The following ALK variants were observed in gnomAD, a reference collection of about 807,000 sequenced individuals.
The protein encoded by ALK is ALK tyrosine kinase receptor.
ALK carries 74 observed loss-of-function variants against 163.1 expected under a neutral mutation model. The observed-to-expected ratio is 0.45, with a 90% CI of 0.38 to 0.55. The LOEUF (loss-of-function observed/expected upper bound fraction) is 0.55. Ranked by LOEUF, ALK falls within the 20% of genes least tolerant of loss-of-function variation. ALK has a pLI of 0.00. For missense variants in ALK, 2,063 were observed against 2,105.3 expected, an observed-to-expected ratio of 0.98 and a Z score of 0.39; for synonymous variants, 960 against 843.2, an observed-to-expected ratio of 1.14 and a Z score of -2.40.
chr2:29,621,960 G>T (rs1401808304), intron 3 of ALK, among the ~76,000 whole-genome samples: 2 of 152,098 alleles, frequency 1.3e-5, no homozygotes, highest in African/African-American at 4.8e-5. Flanking sequence ...GATGAGGTGG[G>T]GTGGGTGGGA....
chr2:29,350,507 C>G (rs1323811467), intron 5 of ALK, among the ~76,000 whole-genome samples: 1 of 152,266 alleles, frequency 6.6e-6, no homozygotes, highest in African/African-American at 2.4e-5. Context: ...GGGACAGAGA[C>G]AGCTGCCACT....
At chr2:29,904,591 C>A (rs1192141070) in intron 1 of ALK, among the ~76,000 whole-genome samples, 3 of 152,118 alleles carry the variant, frequency 2.0e-5, no homozygotes, top group East Asian at 3.8e-4. Context: ...ACACTAAACT[C>A]TTCTTAAAAT....
intron 4 of ALK, among the ~76,000 whole-genome samples, chr2:29,462,304 AAG>A (rs1193031760): frequency 3.3e-5 from 5 of 152,202 alleles, no homozygotes; most frequent in African/African-American, 1.2e-4. Flanking sequence ...CTAAATTTGA[AAG>A]AAGTTCTACT....
At chr2:29,372,022 A>G (rs1019255256) in intron 5 of ALK, among the ~76,000 whole-genome samples, 1 of 152,228 alleles carries the variant, frequency 6.6e-6, no homozygotes, top group African/African-American at 2.4e-5. Flanking sequence ...ATTGGAACTC[A>G]ATACATAGCC....
intron 4 of ALK, among the ~76,000 whole-genome samples, chr2:29,503,954 G>C (rs551035013): frequency 6.6e-6 from 1 of 151,864 alleles, no homozygotes; most frequent in Admixed American, 6.5e-5. Context: ...ATTACTTTCA[G>C]TGGCAAAAAC....
chr2:29,508,036 T>A (rs1194411733), intron 4 of ALK, among the ~76,000 whole-genome samples: 1 of 152,090 alleles, frequency 6.6e-6, no homozygotes, highest in Non-Finnish European at 1.5e-5. Context: ...TTAGCCTGAG[T>A]CCTGAGCATG....
intron 1 of ALK, among the ~76,000 whole-genome samples, chr2:29,881,739 A>G (rs1036096806): frequency 2.6e-4 from 39 of 152,152 alleles, no homozygotes; most frequent in African/African-American, 8.2e-4. Flanking sequence ...ACTTTTCCCA[A>G]TCCCCCACCC....
At chr2:29,582,308 A>G (rs1330998826) in intron 3 of ALK, among the ~76,000 whole-genome samples, 1 of 152,198 alleles carries the variant, frequency 6.6e-6, no homozygotes, top group East Asian at 1.9e-4. Context: ...CCAAAATCCT[A>G]CAAGAATGGG....
At chr2:29,482,095 A>T (rs1247985121) in intron 4 of ALK, among the ~76,000 whole-genome samples, 1 of 152,176 alleles carries the variant, frequency 6.6e-6, no homozygotes, top group Non-Finnish European at 1.5e-5. Flanking sequence ...ATCCCTCTGA[A>T]TAAATTCTGC....
intron 1 of ALK, among the ~76,000 whole-genome samples, chr2:29,832,665 C>T (rs1019193763): frequency 3.9e-5 from 6 of 152,204 alleles, no homozygotes; most frequent in Non-Finnish European, 5.9e-5. Context: ...GGGCAAACCA[C>T]GGACCATTGT....
chr2:29,341,754 A>G (rs1456397903), intron 5 of ALK, among the ~76,000 whole-genome samples: 4 of 152,210 alleles, frequency 2.6e-5, no homozygotes, highest in Non-Finnish European at 5.9e-5. Flanking sequence ...GAGGAAATGT[A>G]AGAAGGTTTG....
At position 29,921,468 on chromosome 2, in the gene ALK, G is replaced by A. The variant is rs561082674; in HGVS notation, c.-809C>T. 1.3e-5 allele frequency: 3 copies of A among 232,196 alleles called. No homozygotes were observed. The highest frequency in any genetic ancestry group is 6.1e-5 in the East Asian group (1 of 16,518). The allele number at this position is 232,196 out of a possible 1,614,324, so 14.4% of individuals were successfully genotyped here. A position where few individuals can be genotyped will look rare whatever the true frequency, so the allele number is the denominator to read the frequency against. ...CCATCATCAGCGCCCGCGGCTTTGG[G>A]TGGCCGACCAGAGGGCGGCCGGAAA... On this transcript the variant is annotated 5_prime_UTR_variant, in exon 1 of 29. Transcript: ENST00000389048.
intron 4 of ALK, among the ~76,000 whole-genome samples, chr2:29,470,495 C>T (rs1465588699): frequency 6.6e-6 from 1 of 152,118 alleles, no homozygotes; most frequent in African/African-American, 2.4e-5. Context: ...GAGGAAAAGA[C>T]ACATTACCTC....
intron 1 of ALK, among the ~76,000 whole-genome samples, chr2:29,733,859 G>T (rs1232566544): frequency 6.6e-6 from 1 of 152,146 alleles, no homozygotes; most frequent in Non-Finnish European, 1.5e-5. Flanking sequence ...GGAGGGGTTG[G>T]AGGAGCTGTC....
intron 5 of ALK, among the ~76,000 whole-genome samples, chr2:29,342,097 T>C (rs1421990383): frequency 6.6e-6 from 1 of 152,118 alleles, no homozygotes; most frequent in Admixed American, 6.5e-5. Flanking sequence ...ATGACCGAAA[T>C]ATACAAGAAG....
At chr2:29,783,967 C>T (rs1222877895) in intron 1 of ALK, among the ~76,000 whole-genome samples, 3 of 152,170 alleles carry the variant, frequency 2.0e-5, no homozygotes, top group African/African-American at 7.2e-5. Context: ...GGAGCTAGAA[C>T]TGAGAAACTC....
chr2:29,718,536 G>A (rs111735523), intron 1 of ALK, among the ~76,000 whole-genome samples: 4 of 152,324 alleles, frequency 2.6e-5, no homozygotes, highest in African/African-American at 9.6e-5. Context: ...TTCATAGATA[G>A]ATGTGTCACA....
intron 5 of ALK, among the ~76,000 whole-genome samples, chr2:29,367,164 A>G (rs1372809061): frequency 6.6e-6 from 1 of 152,124 alleles, no homozygotes; most frequent in East Asian, 1.9e-4. Flanking sequence ...AGTATGTGCC[A>G]GGCTCTGTGC....
intron 1 of ALK, among the ~76,000 whole-genome samples, chr2:29,742,159 G>T (rs550195892): frequency 3.0e-4 from 45 of 152,398 alleles, no homozygotes; most frequent in Non-Finnish European, 5.6e-4. Context: ...AGGGCAGGGA[G>T]GTTCATCTTG....
Sources: allele counts gnomAD v4.1 joint callset (sites outside exome capture counted in the v4.1 genomes callset), GRCh38; gene constraint gnomAD v4.1.1; transcripts MANE v1.5; gene names NCBI Gene and HGNC (gene_info 2026-07-23, HGNC 2026-07-21).